The following PDS5B variants were observed in gnomAD, a reference collection of about 807,000 sequenced individuals.
PDS5B encodes the protein PDS5 cohesin associated factor B.
Under a neutral mutation model 184.1 loss-of-function variants are expected in PDS5B, and 51 were observed. That is an observed-to-expected ratio of 0.28 (90% confidence interval 0.22 to 0.35). The LOEUF (loss-of-function observed/expected upper bound fraction) is 0.35. Ranked by LOEUF, PDS5B falls within the 10% of genes least tolerant of loss-of-function variation. The pLI, the probability that PDS5B is intolerant of heterozygous loss-of-function variation, is 1.00. For missense variants in PDS5B, 1,180 were observed against 1,723.3 expected (o/e 0.68, Z 5.58); for synonymous variants, 566 against 569.2 (o/e 0.99, Z 0.08).
intron 19 of PDS5B, among the ~76,000 whole-genome samples, chr13:32,711,448 C>T (rs1282406936): frequency 1.3e-5 from 2 of 152,006 alleles, no homozygotes; most frequent in African/African-American, 4.8e-5. Context: ...GCTTCTGCCT[C>T]CCAGGTTCAA....
At chr13:32,711,391 T>C (rs1013251130) in intron 19 of PDS5B, among the ~76,000 whole-genome samples, 7 of 152,082 alleles carry the variant, frequency 4.6e-5, no homozygotes, top group Non-Finnish European at 1.0e-4. Flanking sequence ...GAAGTCTTAC[T>C]CTGTCACCCA....
chr13:32,696,826 AT>A, intron 14 of PDS5B, 27 bp from the exon 15 acceptor site: 1 of 1,565,918 alleles, frequency 6.4e-7, no homozygotes, highest in African/African-American at 1.4e-5. Context: ...GGGAATTTTA[AT>A]TTTGCATTTT....
At chr13:32,753,636 G>C (rs895474822) in intron 25 of PDS5B, 100 bp downstream of exon 25, 2 of 726,152 alleles carry the variant, frequency 2.8e-6, no homozygotes, top group African/African-American at 1.8e-5. Context: ...TTTATTATTT[G>C]TGATTAACAA....
intron 19 of PDS5B, among the ~76,000 whole-genome samples, chr13:32,716,873 C>T (rs1331375704): frequency 3.3e-5 from 4 of 122,392 alleles, no homozygotes. Context: ...GGCCAGCCGC[C>T]CCGTCCGGGA....
intron 11 of PDS5B, among the ~76,000 whole-genome samples, chr13:32,685,334 A>C (rs1951354855): frequency 6.6e-6 from 1 of 152,212 alleles, no homozygotes. Context: ...AAAGGCATGA[A>C]GAGGGAAAGG....
At position 32,699,833 on chromosome 13, in the gene PDS5B, T is replaced by A. The variant is rs755290106; in HGVS notation, c.1704T>A (p.Ser568Arg). 11 of 1,575,630 alleles carry A rather than the reference T, an allele frequency of 7.0e-6. No individual in the cohort carries two copies. Among genetic ancestry groups the A allele is most frequent in the Non-Finnish European group, 9.4e-6 (11 of 1,165,124 alleles). ...KIRKQLEVLV[S>R]PTCSCKQAEG... ...GAAAGCAGTTAGAAGTACTTGTTAG[T>A]CCAACATGCTCCTGCAAGCAGGCTG... The change falls in exon 16 of 35, where the codon AGT becomes AGA. Residue 568 changes from serine to arginine, a missense_variant. Physicochemically the swap from Ser to Arg is moderately radical, Grantham distance 110. Around this residue, in one of 11 missense-constraint regions of PDS5B, gnomAD observed 475 missense variants for 691.5 expected, o/e 0.69. Coordinates refer to ENST00000315596, the MANE Select transcript of PDS5B (RefSeq NM_015032.4).
chr13:32,727,382 TAAC>T (rs1952942667), intron 19 of PDS5B, among the ~76,000 whole-genome samples: 1 of 152,146 alleles, frequency 6.6e-6, no homozygotes, highest in African/African-American at 2.4e-5. Context: ...ACACACATAA[TAAC>T]CATTTCTGTC....
In PDS5B at chr13:32,599,028, C is replaced by T. The variant is rs531756188; in HGVS notation, c.-20+12435C>T. 2.0e-5 allele frequency among the ~76,000 whole-genome samples: 3 copies of T among 152,274 alleles called. No homozygotes were observed. The East Asian group carries it at 5.8e-4, about 29-fold the overall frequency. The stretch of plus-strand genomic sequence containing the variant: ...CTCGTGATCCGTCTGCCTCGGCTTC[C>T]CAAAGTGCTGGGATTACAGGCGTGA... On this transcript the variant is annotated intron_variant, in intron 1 of 34. Transcript: ENST00000315596.
chr13:32,698,871 G>A (rs1470394227), intron 15 of PDS5B, among the ~76,000 whole-genome samples: 1 of 151,872 alleles, frequency 6.6e-6, no homozygotes, highest in Non-Finnish European at 1.5e-5. Flanking sequence ...CTCTGCCTCA[G>A]CCTCCCGAGT....
At chr13:32,619,731 A>G (rs1326817192) in intron 1 of PDS5B, among the ~76,000 whole-genome samples, 1 of 152,166 alleles carries the variant, frequency 6.6e-6, no homozygotes, top group Non-Finnish European at 1.5e-5. Flanking sequence ...TTTGTTGTTG[A>G]CTGAAACATT....
intron 6 of PDS5B, among the ~76,000 whole-genome samples, chr13:32,661,385 CA>C (rs747985772): frequency 0.063 from 1,999 of 31,892 alleles, 3 homozygotes; most frequent in African/African-American, 0.11. Context: ...GACTCTGTCT[CA>C]AAAAAAAAAA....
At chr13:32,671,811 C>T (rs1342709441) in intron 7 of PDS5B, among the ~76,000 whole-genome samples, 1 of 152,158 alleles carries the variant, frequency 6.6e-6, no homozygotes, top group Non-Finnish European at 1.5e-5. Context: ...TGTTAACTGT[C>T]ACAGAAGAGA....
chr13:32,745,365 A>G (rs1235243029), intron 23 of PDS5B, among the ~76,000 whole-genome samples: 2 of 152,210 alleles, frequency 1.3e-5, no homozygotes, highest in African/African-American at 4.8e-5. Context: ...ACGCTTGACT[A>G]AGACTTGTTT....
In PDS5B at chr13:32,692,414, CCTTTTTTTTTT is replaced by C. The variant is rs1444103225; in HGVS notation, c.1470-1808_1470-1798del. On this transcript the variant is annotated intron_variant, in intron 13 of 34. Transcript: ENST00000315596. ...ATTAAACAAGTTTGCGTCCAAAAAG[CCTTTTTTTTTT>C]TTTTTTTTTTTTTTTTTGAGATAGA... 2.9e-3 allele frequency among the ~76,000 whole-genome samples: 203 copies of C among 69,154 alleles called. 28 individuals are homozygous for C. Among genetic ancestry groups the C allele is most frequent in the Admixed American group, 4.9e-3 (25 of 5,080 alleles). The allele number at this position is 69,154 out of a possible 152,430, so 45.4% of individuals were successfully genotyped here.
At chr13:32,604,841 A>G (rs2058035358) in intron 1 of PDS5B, among the ~76,000 whole-genome samples, 1 of 151,916 alleles carries the variant, frequency 6.6e-6, no homozygotes, top group South Asian at 2.1e-4. Flanking sequence ...TTTCTTCTAG[A>G]TTTTCTAGTT....
intron 1 of PDS5B, among the ~76,000 whole-genome samples, chr13:32,619,923 C>T (rs1182739270): frequency 6.6e-6 from 1 of 152,048 alleles, no homozygotes; most frequent in Non-Finnish European, 1.5e-5. Context: ...TTCAGCCTCC[C>T]TCGTAGCTGG....
intron 1 of PDS5B, among the ~76,000 whole-genome samples, chr13:32,605,852 T>C (rs1347790984): frequency 6.6e-6 from 1 of 152,156 alleles, no homozygotes; most frequent in East Asian, 1.9e-4. Flanking sequence ...TTGATCTTTG[T>C]TGGTTTAAAG....
At chr13:32,664,579 C>T (rs542554059) in intron 6 of PDS5B, among the ~76,000 whole-genome samples, 7 of 152,144 alleles carry the variant, frequency 4.6e-5, no homozygotes, top group African/African-American at 1.4e-4. Flanking sequence ...AAATAGAAAC[C>T]GAGGCCAGGC....
At chr13:32,752,989 T>C (rs1168108640) in intron 24 of PDS5B, among the ~76,000 whole-genome samples, 1 of 152,216 alleles carries the variant, frequency 6.6e-6, no homozygotes, top group Non-Finnish European at 1.5e-5. Context: ...TGGGCAGTTT[T>C]ATCTTGCCCA....
Sources: gnomAD v4.1 joint callset for allele counts (sites outside exome capture counted in the v4.1 genomes callset) on GRCh38, gnomAD v4.1.1 for gene constraint, gnomAD v4.1.1 regional missense constraint, MANE v1.5 for transcripts, NCBI Gene and HGNC (gene_info 2026-07-23, HGNC 2026-07-21) for gene names.